CFLAR: variants seen among roughly 807,000 people sequenced by gnomAD.
CFLAR encodes CASP8 and FADD-like apoptosis regulator.
Under a neutral mutation model 51.1 loss-of-function variants are expected in CFLAR, and 14 were observed. That is an observed-to-expected ratio of 0.27 (90% CI 0.18 to 0.43). CFLAR has a LOEUF of 0.43. Among genes scored for constraint, CFLAR ranks in the 20% least tolerant of loss-of-function variants. The pLI is 1.00. For missense variants in CFLAR, 390 were observed against 566.5 expected (o/e 0.69, Z 3.16); for synonymous variants, 210 against 211.6 (o/e 0.99, Z 0.06).
Position 201,138,154 on chromosome 2 carries a change from G to A in CFLAR, c.523+2047G>A, listed in dbSNP as rs113569892. 1,522 of 872,968 alleles carry A rather than the reference G, an allele frequency of 1.7e-3. 18 individuals carry two copies. In the African/African-American group the frequency reaches 0.022, roughly 12 times the overall value. The allele number at this position is 872,968 out of a possible 1,614,324, so 54.1% of individuals were successfully genotyped here. On this transcript the variant is annotated intron_variant, in intron 4 of 9. Transcript: ENST00000309955. The surrounding 1 kb of genome is among the most constrained non-coding windows in gnomAD (Gnocchi z 4.0). ...TGTTGGCCTGGGCTGCTGTCACCAC[G>A]TTCCCCCCAATCACCTGGAGGTGGG...
In CFLAR at chr2:201,168,479, A is replaced by G. The variant is rs1255615358; in HGVS notation, c.*4506A>G. On this transcript the variant is annotated 3_prime_UTR_variant, in exon 10 of 10. Coordinates refer to ENST00000309955, the MANE Select transcript of CFLAR (RefSeq NM_003879.7). The stretch of plus-strand genomic sequence containing the variant: ...TAGGTATTGATGGAAAATATCTCAA[A>G]ATAATAACCATTTATGACAAACCCA... 1 of 152,102 alleles carries G rather than the reference A, an allele frequency of 6.6e-6. No individual in the cohort carries two copies. The highest frequency in any genetic ancestry group is 2.4e-5 in the African/African-American group (1 of 41,382). 9.4% of individuals were successfully genotyped at this position (152,102 alleles called of 1,614,324 possible). A position where few individuals can be genotyped will look rare whatever the true frequency, so the allele number is the denominator to read the frequency against.
At chr2:201,117,750 C>CTTTT (rs1174973596) in intron 1 of CFLAR, among the ~76,000 whole-genome samples, 17 of 113,882 alleles carry the variant, frequency 1.5e-4, no homozygotes, top group African/African-American at 4.1e-4. Context: ...GCTCCAAGAT[C>CTTTT]TTTTTTTTTT....
rs1238207713 is a variant in CFLAR at position 201,175,473 on chromosome 2, A to T, written c.*11500A>T. 1.3e-5 allele frequency: 2 copies of T among 152,654 alleles called. No individual in the cohort carries two copies. 9.5% of individuals were successfully genotyped at this position (152,654 alleles called of 1,614,324 possible). ...ACCCTGTCTCTACTAAAAATACAAA[A>T]ATTAGCTGGGTATGGTAGCATGCGC... On this transcript the variant is annotated 3_prime_UTR_variant, in exon 10 of 10. Coordinates refer to ENST00000309955, the MANE Select transcript of CFLAR (RefSeq NM_003879.7).
chr2:201,143,791 G>A (rs1939509324), intron 5 of CFLAR, among the ~76,000 whole-genome samples: 1 of 151,964 alleles, frequency 6.6e-6, no homozygotes, highest in African/African-American at 2.4e-5. Flanking sequence ...GTGAAACCCT[G>A]TCTCTACTAA....
intron 2 of CFLAR, among the ~76,000 whole-genome samples, 164 bp downstream of exon 2, chr2:201,130,310 T>C (rs2049128061): frequency 6.6e-6 from 1 of 151,908 alleles, no homozygotes; most frequent in Non-Finnish European, 1.5e-5. Flanking sequence ...GTGAGCCCTT[T>C]AAATTCTTGA....
intron 9 of CFLAR, among the ~76,000 whole-genome samples, chr2:201,161,769 A>C (rs1366224964): frequency 3.1e-5 from 3 of 97,720 alleles, no homozygotes; most frequent in African/African-American, 1.2e-4. Flanking sequence ...TTTTTGAGAC[A>C]GAGTTTCACT....
In CFLAR at chr2:201,175,002, C is replaced by G. The variant is rs188300425; in HGVS notation, c.*11029C>G. The G allele has an allele frequency of 2.7e-4, 41 of 152,258 alleles. No individual in the cohort carries two copies. The highest frequency in any genetic ancestry group is 9.6e-4 in the African/African-American group (40 of 41,560). The allele number at this position is 152,258 out of a possible 1,614,324, so 9.4% of individuals were successfully genotyped here. A position where few individuals can be genotyped will look rare whatever the true frequency, so the allele number is the denominator to read the frequency against. ...ACGCTAAAAGAAACTTCTACAGCAC[C>G]ATGATAGTTTACAACTGCCATAGCA... On this transcript the variant is annotated 3_prime_UTR_variant, in exon 10 of 10. Coordinates refer to ENST00000309955, the MANE Select transcript of CFLAR (RefSeq NM_003879.7).
intron 7 of CFLAR, 159 bp from the exon 8 acceptor site, chr2:201,149,595 T>C: frequency 1.8e-6 from 1 of 551,838 alleles, no homozygotes; most frequent in South Asian, 2.4e-5. Flanking sequence ...AAATTTGATA[T>C]TAATGGGAAA....
intron 8 of CFLAR, chr2:201,154,093 T>A: frequency 3.3e-6 from 1 of 304,986 alleles, no homozygotes; most frequent in South Asian, 2.6e-5. Context: ...TCTTTTTATA[T>A]TTTTAATTTA....
rs746644280 is a variant in CFLAR at position 201,129,901 on chromosome 2, A to G, written c.36A>G (p.Ala12=). 1.2e-6 allele frequency: 2 copies of G among 1,614,210 alleles called. No homozygotes were observed. The highest frequency in any genetic ancestry group is 1.7e-6 in the Non-Finnish European group (2 of 1,180,048). The change falls in exon 2 of 10, where the codon GCA becomes GCG. Residue 12 remains alanine (A), a synonymous_variant. Coordinates refer to ENST00000309955, the MANE Select transcript of CFLAR (RefSeq NM_003879.7). ...SAEVIHQVEE[A]LDTDEKEMLL... ...AAGTCATCCATCAGGTTGAAGAAGC[A>G]CTTGATACAGATGAGAAGGAGATGC...
intron 9 of CFLAR, chr2:201,163,261 T>G: frequency 7.7e-7 from 1 of 1,293,104 alleles, no homozygotes; most frequent in Non-Finnish European, 9.8e-7. Context: ...AGAATACTTT[T>G]CTAAGAGAAA....
chr2:201,128,161 T>G (rs555965192), intron 1 of CFLAR, among the ~76,000 whole-genome samples: 1 of 152,324 alleles, frequency 6.6e-6, no homozygotes, highest in African/African-American at 2.4e-5. Context: ...TATTTTATAC[T>G]TTAATTTATA....
intron 1 of CFLAR, among the ~76,000 whole-genome samples, chr2:201,119,855 T>C (rs565638955): frequency 4.0e-4 from 61 of 151,292 alleles, no homozygotes; most frequent in African/African-American, 1.0e-3. Flanking sequence ...TTTTTTTTTT[T>C]CACACATGTG....
intron 1 of CFLAR, among the ~76,000 whole-genome samples, chr2:201,117,444 A>T (rs547781569): frequency 3.3e-5 from 5 of 152,338 alleles, no homozygotes; most frequent in Admixed American, 2.0e-4. Context: ...CTCCACGGGC[A>T]GGAAGTAAAT....
At chr2:201,154,132 C>A in intron 8 of CFLAR, 1 of 289,292 alleles carries the variant, frequency 3.5e-6, no homozygotes, top group South Asian at 2.7e-5. Flanking sequence ...CCTTTTGTTG[C>A]CCAGGTTGGA....
At position 201,116,441 on chromosome 2, in the gene CFLAR, C is replaced by G. The variant is rs2047588874; in HGVS notation, c.-178C>G. ...TTCCCGGCGTCTAGGGGAGCGAAGG[C>G]TGAGGTGGCAGCGGCAGGAGAGTCC... On this transcript the variant is annotated 5_prime_UTR_variant, in exon 1 of 10. Coordinates refer to ENST00000309955, the MANE Select transcript of CFLAR (RefSeq NM_003879.7). The surrounding 1 kb of genome is among the most constrained non-coding windows in gnomAD (Gnocchi z 4.8). The G allele has an allele frequency of 1.3e-5, 2 of 152,468 alleles. No individual in the cohort carries two copies. The highest frequency in any genetic ancestry group is 1.3e-4 in the Admixed American group (2 of 15,306). The allele number at this position is 152,468 out of a possible 1,614,324, so 9.4% of individuals were successfully genotyped here.
At position 201,129,893 on chromosome 2, in the gene CFLAR, G is replaced by A; in HGVS notation, c.28G>A (p.Glu10Lys). 1 of 1,614,166 alleles carries A rather than the reference G, an allele frequency of 6.2e-7. No individual in the cohort carries two copies. The highest frequency in any genetic ancestry group is 8.5e-7 in the Non-Finnish European group (1 of 1,180,038). The change falls in exon 2 of 10, where the codon GAA (glutamate) becomes AAA (lysine). Residue 10 changes from glutamate (E) to lysine (K), a missense_variant. Around this residue, in one of 2 missense-constraint regions of CFLAR, gnomAD observed 103 missense variants for 202.9 expected, o/e 0.51. Transcript: ENST00000309955. ...GTCTGCTGAAGTCATCCATCAGGTTGAAGAAGCACTTGATACAGATGAGAA... is the reference window on the plus strand; with the variant it reads ...GTCTGCTGAAGTCATCCATCAGGTTAAAGAAGCACTTGATACAGATGAGAA... Reference protein sequence around the residue: MSAEVIHQVEEALDTDEKEM... With the variant: MSAEVIHQVKEALDTDEKEM...
At chr2:201,135,827 A>G (rs1476144149) in intron 3 of CFLAR, 145 bp from the exon 4 acceptor site, 9 of 1,085,634 alleles carry the variant, frequency 8.3e-6, no homozygotes, top group African/African-American at 6.4e-5. Flanking sequence ...GGGTCTCACT[A>G]TTTTGCTCAG....
rs1460897703 is a variant in CFLAR, at chr2:201,118,318, TC to T, written c.-138+1842del. Among the ~76,000 whole-genome samples, 1 of 152,134 alleles carries T rather than the reference TC, an allele frequency of 6.6e-6. No individual in the cohort carries two copies. The highest frequency in any genetic ancestry group is 1.5e-5 in the Non-Finnish European group (1 of 68,020). On this transcript the variant is annotated intron_variant, in intron 1 of 9. Coordinates refer to ENST00000309955, the MANE Select transcript of CFLAR (RefSeq NM_003879.7). This position sits in a 1 kb window ranked among gnomAD's most constrained non-coding sequence, Gnocchi z 5.1. ...AAGCCATTTGCAGGGTCGCTGGGTT[TC>T]CCCCTCCCCCCGAAAGTCTTGCGCG... is the stretch of plus-strand genomic sequence containing the variant.
Sources: allele counts gnomAD v4.1 joint callset (sites outside exome capture counted in the v4.1 genomes callset), GRCh38; gene constraint gnomAD v4.1.1; regional missense constraint gnomAD v4.1.1; non-coding constraint Gnocchi (gnomAD v3.1); transcripts MANE v1.5; gene names NCBI Gene and HGNC (gene_info 2026-07-23, HGNC 2026-07-21).